Variants in PID1 observed in about 807,000 individuals in gnomAD.
PID1 encodes phosphotyrosine interaction domain containing 1.
In PID1, 10 loss-of-function variants were observed where a neutral mutation model predicts 19.1. That is an observed-to-expected ratio of 0.52 (90% confidence interval 0.32 to 0.89). The LOEUF is 0.89. PID1 is among the 40% of genes least tolerant of loss of function. The probability of loss-of-function intolerance (pLI) is 0.03; values close to 1 mark genes in which losing one functional copy is unlikely to be tolerated. For missense variants in PID1, 248 were observed against 285.3 expected (o/e 0.87, Z 0.94); for synonymous variants, 130 against 116.0 (o/e 1.12, Z -0.78).
chr2:229,063,579 G>T (rs1694258511), intron 2 of PID1, among the ~76,000 whole-genome samples: 1 of 152,084 alleles, frequency 6.6e-6, no homozygotes, highest in African/African-American at 2.4e-5. Context: ...ATGTGTGCTA[G>T]AGAAGAAAGT....
intron 1 of PID1, among the ~76,000 whole-genome samples, chr2:229,211,147 G>T (rs561528377): frequency 3.3e-5 from 5 of 152,170 alleles, no homozygotes; most frequent in Non-Finnish European, 5.9e-5. Context: ...ATTATACAAA[G>T]AAATGTGTAA....
rs1036327850 is a variant in PID1, at chr2:229,172,074, G to A, written c.31-16110C>T. ...TGCACAGGAGTTATGGCCTAGGCTC[G>A]TCTCAGCAAATTACAACAGCAGAAA... On this transcript the variant is annotated intron_variant, in intron 1 of 2. Transcript: ENST00000392055. 1.5e-4 allele frequency among the ~76,000 whole-genome samples: 23 copies of A among 152,228 alleles called. 1 individual carries two copies. Among genetic ancestry groups the A allele is most frequent in the Middle Eastern group, 3.4e-3 (1 of 294 alleles).
At chr2:229,192,808 T>C (rs183690420) in intron 1 of PID1, among the ~76,000 whole-genome samples, 1 of 152,272 alleles carries the variant, frequency 6.6e-6, no homozygotes. Flanking sequence ...AGGTTTATTC[T>C]TATTATTATT....
chr2:229,107,653 G>A (rs1695204274), intron 2 of PID1, among the ~76,000 whole-genome samples: 1 of 152,132 alleles, frequency 6.6e-6, no homozygotes, highest in Non-Finnish European at 1.5e-5. Flanking sequence ...TTATAATCAA[G>A]TTGTCGACGG....
chr2:229,228,943 AC>A (rs1692142915), intron 1 of PID1, among the ~76,000 whole-genome samples: 1 of 152,150 alleles, frequency 6.6e-6, no homozygotes, highest in African/African-American at 2.4e-5. Flanking sequence ...TCTCTACCTG[AC>A]CTGGTGTGAG....
intron 2 of PID1, among the ~76,000 whole-genome samples, chr2:229,155,371 C>T (rs965750504): frequency 2.0e-5 from 3 of 151,914 alleles, no homozygotes; most frequent in Admixed American, 1.3e-4. Context: ...TCGAGACCAT[C>T]CTAGCTAACA....
At chr2:229,163,209 C>A (rs1012786914) in intron 1 of PID1, among the ~76,000 whole-genome samples, 1 of 152,058 alleles carries the variant, frequency 6.6e-6, no homozygotes, top group African/African-American at 2.4e-5. Context: ...CAGGCATATA[C>A]AAAATTAAAC....
At chr2:229,054,062 T>C (rs1574589077) in intron 2 of PID1, among the ~76,000 whole-genome samples, 1 of 151,950 alleles carries the variant, frequency 6.6e-6, no homozygotes. Flanking sequence ...GTGGCTTTTA[T>C]ATGCTCATAA....
chr2:229,150,207 GC>G (rs1559257897), intron 2 of PID1, among the ~76,000 whole-genome samples: 1 of 140,480 alleles, frequency 7.1e-6, no homozygotes, highest in African/African-American at 2.7e-5. Flanking sequence ...CTGCACTCCA[GC>G]CTGGGAAACA....
chr2:229,068,851 T>G (rs952548367), intron 2 of PID1, among the ~76,000 whole-genome samples: 2 of 152,150 alleles, frequency 1.3e-5, no homozygotes, highest in Non-Finnish European at 2.9e-5. Flanking sequence ...GGTCCGCTAT[T>G]TTTAGTAAAA....
chr2:229,140,228 A>G (rs562112156), intron 2 of PID1, among the ~76,000 whole-genome samples: 1 of 152,254 alleles, frequency 6.6e-6, no homozygotes, highest in Non-Finnish European at 1.5e-5. Context: ...TGCTTAATAC[A>G]TAGGCCGACA....
intron 2 of PID1, among the ~76,000 whole-genome samples, chr2:229,056,701 C>T (rs1017928643): frequency 5.3e-5 from 8 of 151,186 alleles, no homozygotes; most frequent in Non-Finnish European, 2.9e-5. Context: ...ACCAAGCAAT[C>T]TGATAATCAA....
Position 229,045,840 on chromosome 2 carries a change from T to C in PID1, c.178-19732A>G, listed in dbSNP as rs529031768. Among the ~76,000 whole-genome samples, 22 of 152,328 alleles carry C rather than the reference T, an allele frequency of 1.4e-4. No homozygotes were observed. The South Asian group carries it at 2.7e-3, about 19-fold the overall frequency. On this transcript the variant is annotated intron_variant, in intron 2 of 2. Coordinates refer to ENST00000392055, the MANE Select transcript of PID1 (RefSeq NM_001100818.2). ...CCACTCCCACAGCCTTCTCTGTCAG[T>C]CACTGTTGCTGTGTCTTGTCAAGAG...
intron 2 of PID1, among the ~76,000 whole-genome samples, chr2:229,093,525 A>G (rs1310163177): frequency 6.6e-6 from 1 of 152,124 alleles, no homozygotes; most frequent in Non-Finnish European, 1.5e-5. Context: ...ACATTTACTC[A>G]TTACACATCT....
At chr2:229,199,482 C>T (rs1311876309) in intron 1 of PID1, among the ~76,000 whole-genome samples, 1 of 151,866 alleles carries the variant, frequency 6.6e-6, no homozygotes, top group Non-Finnish European at 1.5e-5. Flanking sequence ...TGGCCCGTGG[C>T]CAACTTTTAA....
rs968776015 is a variant in PID1 at position 229,166,182 on chromosome 2, A to G, written c.31-10218T>C. The stretch of plus-strand genomic sequence containing the variant: ...ATGCACACTACAACATAAATTATAA[A>G]ACAATTATCCTGAGAACACAAACAA... On this transcript the variant is annotated intron_variant, in intron 1 of 2. Transcript: ENST00000392055. Among the ~76,000 whole-genome samples the G allele has an allele frequency of 3.9e-5, 6 of 152,218 alleles. No homozygotes were observed. In the South Asian group the frequency reaches 6.2e-4, roughly 16 times the overall value.
intron 2 of PID1, among the ~76,000 whole-genome samples, chr2:229,082,208 A>G (rs79207516): frequency 0.056 from 8,598 of 152,314 alleles, 372 homozygotes; most frequent in Non-Finnish European, 0.075. Flanking sequence ...CGAGGCTCCA[A>G]CATGGACTAT....
chr2:229,271,177 G>C lies in PID1; in HGVS notation c.-134C>G, dbSNP rs1690729253. ...GTGCGTCCTGGCGCTGGCCACCGCC[G>C]CCGGGTGGGCGTAGGGGGCTGCGAG... On this transcript the variant is annotated 5_prime_UTR_variant, in exon 1 of 3. Coordinates refer to ENST00000392055, the MANE Select transcript of PID1 (RefSeq NM_001100818.2). The C allele has an allele frequency of 1.0e-6, 1 of 989,802 alleles. No homozygotes were observed. The highest frequency in any genetic ancestry group is 2.5e-5 in the Admixed American group (1 of 39,244). 61.3% of individuals were successfully genotyped at this position (989,802 alleles called of 1,614,324 possible).
At chr2:229,105,591 C>T (rs1392495810) in intron 2 of PID1, among the ~76,000 whole-genome samples, 3 of 152,194 alleles carry the variant, frequency 2.0e-5, no homozygotes, top group African/African-American at 4.8e-5. Flanking sequence ...GTTCCCAAGT[C>T]GCCCTGAACT....
Sources: gnomAD v4.1 joint callset for allele counts (sites outside exome capture counted in the v4.1 genomes callset) on GRCh38, gnomAD v4.1.1 for gene constraint, MANE v1.5 for transcripts, NCBI Gene and HGNC (gene_info 2026-07-23, HGNC 2026-07-21) for gene names.